Variants in AMMECR1 observed in about 807,000 individuals in gnomAD.
AMMECR1 encodes the protein AMMECR nuclear protein 1, also known as nuclear protein AMMECR1.
A neutral mutation model predicts 22.5 loss-of-function variants in AMMECR1; 3 were observed. The observed-to-expected ratio is 0.13, with a 90% CI of 0.06 to 0.35. The LOEUF (loss-of-function observed/expected upper bound fraction) is 0.35. Ranked by LOEUF, AMMECR1 falls within the 10% of genes least tolerant of loss-of-function variation. The pLI is 1.00. For missense variants in AMMECR1, 235 were observed against 278.7 expected (o/e 0.84, Z 1.12); for synonymous variants, 130 against 116.7 (o/e 1.11, Z -0.74).
At chrX:110,420,703 G>A (rs2068711162) in intron 2 of AMMECR1, among the ~76,000 whole-genome samples, 1 of 112,135 alleles carries the variant, frequency 8.9e-6, no homozygotes, top group Non-Finnish European at 1.9e-5. Context: ...CCACAAACCG[G>A]CTGGTTTTTT....
At chrX:110,259,718 A>G (rs1007645947) in intron 2 of AMMECR1, among the ~76,000 whole-genome samples, 3 of 107,780 alleles carry the variant, frequency 2.8e-5, no homozygotes, top group African/African-American at 6.8e-5. Context: ...CAGCCTCCCG[A>G]GTAGCTGGGA....
intron 1 of AMMECR1, among the ~76,000 whole-genome samples, chrX:110,281,353 T>C (rs1229882376): frequency 1.8e-5 from 2 of 112,309 alleles, no homozygotes; most frequent in Non-Finnish European, 3.8e-5. Flanking sequence ...CTAGAAGCAT[T>C]TAAGGAGGCT....
intron 2 of AMMECR1, among the ~76,000 whole-genome samples, chrX:110,334,579 G>T (rs2068133536): frequency 8.9e-6 from 1 of 111,779 alleles, no homozygotes; most frequent in African/African-American, 3.3e-5. Context: ...AATCTAGGTT[G>T]CCTGTATTGA....
chrX:110,356,613 G>T (rs1403969581), intron 2 of AMMECR1, among the ~76,000 whole-genome samples: 1 of 111,205 alleles, frequency 9.0e-6, no homozygotes, highest in African/African-American at 3.3e-5. Flanking sequence ...TCATTAGCTT[G>T]ATTGAATCTT....
intron 2 of AMMECR1, among the ~76,000 whole-genome samples, chrX:110,243,093 T>C (rs1358435025): frequency 8.9e-6 from 1 of 112,502 alleles, no homozygotes; most frequent in Non-Finnish European, 1.9e-5. Flanking sequence ...TTTGTGGTAC[T>C]AGCTATTCAT....
At chrX:110,211,548 G>C (rs2067447995) in intron 3 of AMMECR1, among the ~76,000 whole-genome samples, 2 of 112,259 alleles carry the variant, frequency 1.8e-5, no homozygotes, top group African/African-American at 6.5e-5. Context: ...AAAGCACCAT[G>C]TCTGTCAATC....
At chrX:110,354,682 T>C (rs1245701337) in intron 2 of AMMECR1, among the ~76,000 whole-genome samples, 3 of 111,737 alleles carry the variant, frequency 2.7e-5, no homozygotes, top group African/African-American at 9.8e-5. Context: ...ACAGAAAGCC[T>C]AGAAGCAAAC....
At chrX:110,399,119 A>G (rs188564352) in intron 2 of AMMECR1, among the ~76,000 whole-genome samples, 310 of 112,207 alleles carry the variant, frequency 2.8e-3, no homozygotes, top group African/African-American at 9.5e-3. Flanking sequence ...CTGGTTTACA[A>G]TGGACTCACA....
chrX:110,317,735 C>T lies in AMMECR1; in HGVS notation c.337G>A (p.Ala113Thr), dbSNP rs748967118. ...ATSSSPSSSS[A>T]ASSSSPGSRK... is the part of the protein sequence containing the mutation. ...GAGCCCGGCGATGAGGACGAGGCGG[C>T]GGACGATGAGGAGGGTGAGGAAGAG... is the stretch of plus-strand genomic sequence containing the variant. Residue 113 changes from alanine to threonine, a missense_variant, in exon 1 of 6, where the codon GCC (alanine) becomes ACC (threonine). Transcript: ENST00000262844. The T allele has an allele frequency of 1.3e-5, 16 of 1,194,447 alleles. No homozygotes were observed. The East Asian group carries it at 4.8e-4, about 36-fold the overall frequency.
chrX:110,414,979 C>T (rs938082041), intron 2 of AMMECR1, among the ~76,000 whole-genome samples: 1 of 112,006 alleles, frequency 8.9e-6, no homozygotes, highest in Non-Finnish European at 1.9e-5. Flanking sequence ...TATATATTCT[C>T]TGCCTCCCCA....
At chrX:110,209,973 C>T (rs1431579154) in intron 3 of AMMECR1, among the ~76,000 whole-genome samples, 1 of 110,947 alleles carries the variant, frequency 9.0e-6, no homozygotes, top group Non-Finnish European at 1.9e-5. Context: ...TCTGGGGAAG[C>T]AGCAGGCTAA....
chrX:110,264,463 C>T (rs1031684801), intron 2 of AMMECR1, 26 bp downstream of exon 2: 1 of 921,287 alleles, frequency 1.1e-6, no homozygotes. Flanking sequence ...AATGTAAAAG[C>T]AGAGGTAACA....
intron 1 of AMMECR1, among the ~76,000 whole-genome samples, chrX:110,439,523 C>A (rs941271197): frequency 2.7e-5 from 3 of 112,083 alleles, no homozygotes; most frequent in Non-Finnish European, 5.6e-5. Flanking sequence ...GCTGTGCTCA[C>A]AATAATAGCT....
chrX:110,222,255 A>C (rs1288824175), intron 2 of AMMECR1, among the ~76,000 whole-genome samples: 56 of 86,790 alleles, frequency 6.5e-4, no homozygotes, highest in African/African-American at 2.1e-3. Context: ...ACCATGGAAT[A>C]CTATGCAGCC....
intron 1 of AMMECR1, among the ~76,000 whole-genome samples, chrX:110,266,955 T>C (rs1360609881): frequency 9.0e-6 from 1 of 110,996 alleles, no homozygotes; most frequent in Non-Finnish European, 1.9e-5. Flanking sequence ...TTTTCTGTTC[T>C]TGTGTTAGTT....
At chrX:110,276,257 T>C (rs765510929) in intron 1 of AMMECR1, among the ~76,000 whole-genome samples, 2 of 112,280 alleles carry the variant, frequency 1.8e-5, no homozygotes, top group African/African-American at 3.2e-5. Context: ...TTCACTTCTT[T>C]ACTCACTATA....
chrX:110,243,852 C>G (rs750157982), intron 2 of AMMECR1, among the ~76,000 whole-genome samples: 1 of 111,320 alleles, frequency 9.0e-6, no homozygotes, highest in Admixed American at 9.5e-5. Context: ...TAATGTATTA[C>G]TCTATTTCAC....
intron 2 of AMMECR1, among the ~76,000 whole-genome samples, chrX:110,391,753 C>G (rs2068494977): frequency 1.8e-5 from 2 of 112,325 alleles, no homozygotes; most frequent in Non-Finnish European, 3.8e-5. Context: ...ACTGTCAACT[C>G]TCTTGTGCCA....
chrX:110,355,940 T>C (rs1183999268), intron 2 of AMMECR1, among the ~76,000 whole-genome samples: 1 of 110,912 alleles, frequency 9.0e-6, no homozygotes, highest in African/African-American at 3.3e-5. Flanking sequence ...ACAACATGGA[T>C]GGAACTGGAA....
Sources: allele counts gnomAD v4.1 joint callset (sites outside exome capture counted in the v4.1 genomes callset), GRCh38; gene constraint gnomAD v4.1.1; transcripts MANE v1.5; gene names NCBI Gene and HGNC (gene_info 2026-07-23, HGNC 2026-07-21).